AMD1: variants seen among roughly 807,000 people sequenced by gnomAD.
AMD1 encodes S-adenosylmethionine decarboxylase proenzyme.
AMD1 carries 11 observed loss-of-function variants against 40.2 expected under a neutral mutation model. The ratio of observed to expected loss-of-function variants is 0.27; its 90% CI spans 0.17 to 0.45. The LOEUF (loss-of-function observed/expected upper bound fraction) is 0.45. AMD1 is among the 20% of genes least tolerant of loss of function. The pLI, the probability that AMD1 is intolerant of heterozygous loss-of-function variation, is 1.00. For missense variants in AMD1, 257 were observed against 410.2 expected, an observed-to-expected ratio of 0.63 and a Z score of 3.23; for synonymous variants, 121 against 130.8, an observed-to-expected ratio of 0.93 and a Z score of 0.51.
the AMD1 span, among the ~76,000 whole-genome samples, chr6:110,849,685 C>A: frequency 5.8e-4 from 88 of 152,196 alleles, no homozygotes; most frequent in African/African-American, 2.1e-3. Context: ...AAGATGATTT[C>A]TTCTAGGAGC....
rs187992291 is a variant in AMD1, at chr6:110,879,726, A to G, written c.110+4511A>G. 2.6e-3 allele frequency among the ~76,000 whole-genome samples: 396 copies of G among 152,348 alleles called. 3 individuals carry two copies. The highest frequency in any genetic ancestry group is 9.2e-3 in the African/African-American group (382 of 41,578). On this transcript the variant is annotated intron_variant, in intron 1 of 8. Coordinates refer to ENST00000368885, the MANE Select transcript of AMD1 (RefSeq NM_001634.6). ...AGACCTAAAAATATGAGGTAAGAGC[A>G]GAATTGAGAAGCTGCAGTGACTTTG...
chr6:110,828,503 G>T, the AMD1 span, among the ~76,000 whole-genome samples: 1 of 152,070 alleles, frequency 6.6e-6, no homozygotes, highest in Non-Finnish European at 1.5e-5. Context: ...AAATGTGATG[G>T]TTTTAACAGT....
chr6:110,840,244 T>G, the AMD1 span, among the ~76,000 whole-genome samples: 1 of 152,052 alleles, frequency 6.6e-6, no homozygotes, highest in Non-Finnish European at 1.5e-5. Context: ...TCTTGGCAAT[T>G]TTATTTTATT....
chr6:110,833,666 A>G, the AMD1 span, among the ~76,000 whole-genome samples: 1 of 152,242 alleles, frequency 6.6e-6, no homozygotes, highest in African/African-American at 2.4e-5. Context: ...CTCACATAGT[A>G]GACTAACTCC....
In AMD1 at chr6:110,875,230, C is replaced by A; in HGVS notation, c.110+15C>A. Reference sequence around the variant, plus strand: ...ACTATCCCAAGGTGGGTCCCCGGGGCGCTCGCTGACATCCGGGCCTGGGGG... The same window carrying A: ...ACTATCCCAAGGTGGGTCCCCGGGGAGCTCGCTGACATCCGGGCCTGGGGG... On this transcript the variant is annotated intron_variant, in intron 1 of 8. Coordinates refer to ENST00000368885, the MANE Select transcript of AMD1 (RefSeq NM_001634.6). 6.3e-7 allele frequency: 1 copy of A among 1,582,194 alleles called. No individual in the cohort carries two copies. The highest frequency in any genetic ancestry group is 8.6e-7 in the Non-Finnish European group (1 of 1,162,740).
chr6:110,863,915 A>G, the AMD1 span: 97 of 499,038 alleles, frequency 1.9e-4, 1 homozygote, highest in African/African-American at 1.5e-3. Flanking sequence ...CACATAGCCA[A>G]CCAAAAAAAC....
chr6:110,846,780 G>T, the AMD1 span, among the ~76,000 whole-genome samples: 1 of 152,072 alleles, frequency 6.6e-6, no homozygotes, highest in South Asian at 2.1e-4. Flanking sequence ...TGAGGCAGGA[G>T]GATTGCTTGA....
At position 110,893,991 on chromosome 6, in the gene AMD1, T is replaced by C. The variant is rs930538480; in HGVS notation, c.*375T>C. 3 of 208,980 alleles carry C rather than the reference T, an allele frequency of 1.4e-5. No homozygotes were observed. Among genetic ancestry groups the C allele is most frequent in the African/African-American group, 4.6e-5 (2 of 43,516 alleles). 12.9% of individuals were successfully genotyped at this position (208,980 alleles called of 1,614,324 possible). The stretch of plus-strand genomic sequence containing the variant: ...AAATTCCCCACAGACAAGGCTTTCG[T>C]CCTCATTAGGTGTTGGCCTCAGCCT... On this transcript the variant is annotated 3_prime_UTR_variant, in exon 9 of 9. Coordinates refer to ENST00000368885, the MANE Select transcript of AMD1 (RefSeq NM_001634.6).
At chr6:110,871,299 C>A (rs1252441189), upstream of AMD1, among the ~76,000 whole-genome samples, 1 of 152,162 alleles carries the variant, frequency 6.6e-6, no homozygotes, top group Non-Finnish European at 1.5e-5. Flanking sequence ...CAAAAAAAAT[C>A]ACTCTAGCTG....
the AMD1 span, among the ~76,000 whole-genome samples, chr6:110,843,031 G>A: frequency 0.011 from 1,628 of 152,246 alleles, 18 homozygotes; most frequent in South Asian, 0.027. Context: ...TACTCGGGAG[G>A]CTGAGGCAGG....
the AMD1 span, among the ~76,000 whole-genome samples, chr6:110,865,736 C>A: frequency 6.6e-6 from 1 of 151,718 alleles, no homozygotes. Context: ...GTTTAATAAG[C>A]TTTCATTAAA....
chr6:110,885,705 CTT>C (rs970566561), intron 1 of AMD1, among the ~76,000 whole-genome samples: 4 of 152,176 alleles, frequency 2.6e-5, no homozygotes, highest in African/African-American at 9.7e-5. Flanking sequence ...TTTAGTAGCT[CTT>C]TTAAAAAAGT....
chr6:110,858,960 A>T, the AMD1 span: 1 of 1,085,436 alleles, frequency 9.2e-7, no homozygotes, highest in Admixed American at 1.7e-5. Flanking sequence ...CAACTCCTCC[A>T]TGTCGCTGCA....
At chr6:110,869,740 C>T in the AMD1 span, among the ~76,000 whole-genome samples, 1 of 150,502 alleles carries the variant, frequency 6.6e-6, no homozygotes, top group Non-Finnish European at 1.5e-5. Flanking sequence ...AACTCCCGAC[C>T]TCAGGTGATC....
the AMD1 span, among the ~76,000 whole-genome samples, chr6:110,857,728 GTGTA>G: frequency 4.9e-5 from 6 of 123,530 alleles, no homozygotes; most frequent in African/African-American, 2.0e-4. Flanking sequence ...TATAGATGGT[GTGTA>G]TATATATATA....
At chr6:110,846,252 AC>A in the AMD1 span, among the ~76,000 whole-genome samples, 1 of 152,180 alleles carries the variant, frequency 6.6e-6, no homozygotes, top group East Asian at 1.9e-4. Context: ...AACAACAACA[AC>A]AAAAACTGAA....
Position 110,874,940 on chromosome 6 carries a change from TC to T in AMD1, c.-164del, listed in dbSNP as rs1266990719. ...CACAAAGCCGGGAAAATTTTATTAG[TC>T]CTTTTTTTAAAAAAAGTTAATATAA... On this transcript the variant is annotated 5_prime_UTR_variant, in exon 1 of 9. Coordinates refer to ENST00000368885, the MANE Select transcript of AMD1 (RefSeq NM_001634.6). 45 of 587,844 alleles carry T rather than the reference TC, an allele frequency of 7.7e-5. No individual in the cohort carries two copies. The highest frequency in any genetic ancestry group is 1.5e-4 in the Admixed American group (5 of 32,530). 36.4% of individuals were successfully genotyped at this position (587,844 alleles called of 1,614,324 possible).
chr6:110,832,380 G>A, the AMD1 span, among the ~76,000 whole-genome samples: 1 of 151,652 alleles, frequency 6.6e-6, no homozygotes, highest in South Asian at 2.1e-4. Flanking sequence ...CAAACTCCTG[G>A]ACTCAAGTAA....
At chr6:110,832,932 T>G in the AMD1 span, among the ~76,000 whole-genome samples, 1 of 152,200 alleles carries the variant, frequency 6.6e-6, no homozygotes, top group Non-Finnish European at 1.5e-5. Context: ...GTGATTCTCC[T>G]GCCTCAGCCT....
Sources: gnomAD v4.1 joint callset for allele counts (sites outside exome capture counted in the v4.1 genomes callset) on GRCh38, gnomAD v4.1.1 for gene constraint, MANE v1.5 for transcripts, NCBI Gene and HGNC (gene_info 2026-07-23, HGNC 2026-07-21) for gene names.